The following PMEL variants were observed in gnomAD, a reference collection of about 807,000 sequenced individuals.
PMEL encodes premelanosome protein.
A neutral mutation model predicts 64.9 loss-of-function variants in PMEL; 53 were observed. The observed-to-expected ratio is 0.82, with a 90% CI of 0.66 to 1.03. PMEL has a LOEUF of 1.03. Among genes scored for constraint, PMEL ranks in the 50% least tolerant of loss-of-function variants. PMEL has a pLI of 0.00. For synonymous variants in PMEL, 299 were observed against 316.2 expected (o/e 0.95, Z 0.58); for missense variants, 716 against 814.9 (o/e 0.88, Z 1.48).
intron 6 of PMEL, 119 bp from the exon 7 acceptor site, chr12:55,956,338 T>C (rs557606032): frequency 1.3e-3 from 859 of 683,510 alleles, no homozygotes; most frequent in Admixed American, 2.9e-3. Context: ...GTCACAGGCT[T>C]GGAATCAGAT....
At chr12:55,964,789 C>T (rs553739735) in intron 1 of PMEL, among the ~76,000 whole-genome samples, 5 of 151,948 alleles carry the variant, frequency 3.3e-5, no homozygotes, top group African/African-American at 1.2e-4. Context: ...CCATGCCCAG[C>T]TAATTTTTGT....
At chr12:55,964,034 C>T (rs997465012) in intron 1 of PMEL, among the ~76,000 whole-genome samples, 2 of 152,060 alleles carry the variant, frequency 1.3e-5, no homozygotes, top group African/African-American at 4.8e-5. Context: ...TCTCACCCTG[C>T]GTGCAGTGGC....
Position 55,955,457 on chromosome 12 carries a change from G to A in PMEL, c.1762+7C>T, listed in dbSNP as rs375170547. ...TTCCTCATCTTAGCTCTTGTCCAAG[G>A]ACCTACCAGGCATGATAAGCTGGGT... On this transcript the variant is annotated splice_region_variant and intron_variant, in intron 9 of 10. Transcript: ENST00000548747. 1.2e-6 allele frequency: 2 copies of A among 1,613,794 alleles called. No individual in the cohort carries two copies. The highest frequency in any genetic ancestry group is 1.3e-5 in the African/African-American group (1 of 74,902).
chr12:55,964,317 C>T (rs538606557), intron 1 of PMEL, among the ~76,000 whole-genome samples: 3 of 151,988 alleles, frequency 2.0e-5, no homozygotes, highest in South Asian at 2.1e-4. Flanking sequence ...TGCACCACCA[C>T]GCCCAGCTAA....
In PMEL at chr12:55,955,469, AT is replaced by A. The variant is rs1565772652; in HGVS notation, c.1756del (p.Met586CysfsTer13). On this transcript the variant is annotated frameshift_variant, in exon 9 of 11. Coordinates refer to ENST00000548747, the MANE Select transcript of PMEL (RefSeq NM_001384361.1). LOFTEE classifies it high-confidence loss of function. ...SLAVVSTQLI[M>X]PGQEAGLGQV... ...GCTCTTGTCCAAGGACCTACCAGGC[AT>A]GATAAGCTGGGTGCTGACCACTGCC... is the stretch of plus-strand genomic sequence containing the variant. The A allele has an allele frequency of 6.2e-7, 1 of 1,614,102 alleles. No homozygotes were observed. The highest frequency in any genetic ancestry group is 1.3e-5 in the African/African-American group (1 of 75,040).
At chr12:55,966,226 T>A (rs969946446), upstream of PMEL, 4 of 691,592 alleles carry the variant, frequency 5.8e-6, no homozygotes, top group Non-Finnish European at 7.1e-6. Flanking sequence ...CTGGTTTCAC[T>A]GGGTCACTCT....
rs1171961116 is a variant in PMEL, at chr12:55,955,666, C to G, written c.1560G>C (p.Leu520=). 1 of 1,612,112 alleles carries G rather than the reference C, an allele frequency of 6.2e-7. No homozygotes were observed. Among genetic ancestry groups the G allele is most frequent in the African/African-American group, 1.3e-5 (1 of 74,996 alleles). Residue 520 remains leucine, a synonymous_variant, in exon 9 of 11, where the codon CTG becomes CTC. Coordinates refer to ENST00000548747, the MANE Select transcript of PMEL (RefSeq NM_001384361.1). ...FELTVSCQGG[L]PKEACMEISS... is the part of the protein sequence containing the mutation. ...AGATCTCCATGCAGGCTTCCTTGGG[C>G]AGCCTGGAAGAAGTGTCAGCATATA...
intron 6 of PMEL, 27 bp from the exon 7 acceptor site, chr12:55,956,246 G>C: frequency 6.8e-7 from 1 of 1,463,292 alleles, no homozygotes. Flanking sequence ...AAGGAGGCAA[G>C]ATCAAGAGAC....
chr12:55,956,744 A>G (rs571331346), intron 6 of PMEL, among the ~76,000 whole-genome samples: 2 of 152,322 alleles, frequency 1.3e-5, no homozygotes, highest in South Asian at 4.1e-4. Flanking sequence ...CTCATGGCCT[A>G]GGGGAAGACC....
At chr12:55,958,660 T>C in intron 3 of PMEL, 53 bp from the exon 4 acceptor site, 1 of 1,578,050 alleles carries the variant, frequency 6.3e-7, no homozygotes, top group Middle Eastern at 1.7e-4. Flanking sequence ...TTTTTGTATA[T>C]CAAAACCCCT....
intron 4 of PMEL, 133 bp downstream of exon 4, chr12:55,958,340 A>C: frequency 1.0e-6 from 1 of 978,350 alleles, no homozygotes; most frequent in Non-Finnish European, 1.5e-6. Context: ...AGAAAGAGAA[A>C]AGATCTAAGA....
chr12:55,961,552 T>C lies in PMEL; in HGVS notation c.187+70A>G, dbSNP rs1565776773. ...CCTTTTCTTCCCAAGCTACACTCGA[T>C]GCAGTTCAGCTTGCTTTTTTCCTCA... On this transcript the variant is annotated intron_variant, in intron 2 of 10. Transcript: ENST00000548747. 1.9e-6 allele frequency: 3 copies of C among 1,595,596 alleles called. No homozygotes were observed. The East Asian group carries it at 6.7e-5, about 36-fold the overall frequency.
Position 55,957,588 on chromosome 12 carries a change from T to G in PMEL, c.715A>C (p.Thr239Pro). The stretch of plus-strand genomic sequence containing the variant: ...GGGTCATGGAGCTGGAGGGCAAAGG[T>G]CAGAGGCTGATTTCTCAGGAAGTGC... ...NKHFLRNQPL[T>P]FALQLHDPSG... The change falls in exon 6 of 11, where the codon ACC becomes CCC. Residue 239 changes from threonine (T) to proline (P), a missense_variant. Physicochemically the swap from Thr to Pro is conservative, Grantham distance 38. Transcript: ENST00000548747. 6.2e-7 allele frequency: 1 copy of G among 1,613,508 alleles called. No homozygotes were observed. Among genetic ancestry groups the G allele is most frequent in the Non-Finnish European group, 8.5e-7 (1 of 1,179,904 alleles).
At chr12:55,958,753 G>T in intron 3 of PMEL, 146 bp from the exon 4 acceptor site, 3 of 823,690 alleles carry the variant, frequency 3.6e-6, no homozygotes, top group Non-Finnish European at 5.6e-6. Context: ...TAACCATTTG[G>T]GGTGGTAGTT....
At chr12:55,960,246 GAAAAA>G (rs138853600) in intron 3 of PMEL, among the ~76,000 whole-genome samples, 1 of 142,920 alleles carries the variant, frequency 7.0e-6, no homozygotes, top group East Asian at 2.0e-4. Flanking sequence ...GAAAAGAAAA[GAAAAA>G]AAAAGAAATG....
chr12:55,961,328 G>A lies in PMEL; in HGVS notation c.323C>T (p.Thr108Ile). Residue 108 changes from threonine (T) to isoleucine (I), a missense_variant, in exon 3 of 11, where the codon ACC becomes ATC. Thr to Ile is a moderately conservative substitution (Grantham distance 89, BLOSUM62 -1). Coordinates refer to ENST00000548747, the MANE Select transcript of PMEL (RefSeq NM_001384361.1). Reference protein sequence around the residue: ...PDGQVIWVNNTIINGSQVWGG... With the variant: ...PDGQVIWVNNIIINGSQVWGG... ...AGAGAAGTACTCACCATTGATGATG[G>A]TATTGTTGACCCAGATAACCTGCCC... 1 of 1,614,102 alleles carries A rather than the reference G, an allele frequency of 6.2e-7. No homozygotes were observed. The highest frequency in any genetic ancestry group is 8.5e-7 in the Non-Finnish European group (1 of 1,179,962).
intron 10 of PMEL, among the ~76,000 whole-genome samples, chr12:55,954,797 G>A (rs1027828752): frequency 6.6e-6 from 1 of 152,066 alleles, no homozygotes; most frequent in Non-Finnish European, 1.5e-5. Flanking sequence ...CCAGCTACTC[G>A]GGAAGCTGAA....
At position 55,956,162 on chromosome 12, in the gene PMEL, A is replaced by G. The variant is rs752922513; in HGVS notation, c.1412T>C (p.Val471Ala). ...TCGATACAGAACACAATCCAGGGGG[A>G]CTTGTCTCTTCACCAGCCTTAAGGT... is the stretch of plus-strand genomic sequence containing the variant. ...TATLRLVKRQ[V>A]PLDCVLYRYG... The change falls in exon 7 of 11, where the codon GTC becomes GCC. Residue 471 changes from valine (V) to alanine (A), a missense_variant. Transcript: ENST00000548747. The G allele has an allele frequency of 3.7e-6, 6 of 1,614,052 alleles. No homozygotes were observed. In the South Asian group the frequency reaches 6.6e-5, roughly 18 times the overall value.
chr12:55,961,762 G>C (rs749222725), intron 1 of PMEL, 30 bp from the exon 2 acceptor site: 3 of 1,452,978 alleles, frequency 2.1e-6, no homozygotes, highest in Non-Finnish European at 2.9e-6. Context: ...AAGGGCCCTA[G>C]GATCCTTTCA....
Sources: allele counts gnomAD v4.1 joint callset (sites outside exome capture counted in the v4.1 genomes callset), GRCh38; gene constraint gnomAD v4.1.1; transcripts MANE v1.5; gene names NCBI Gene and HGNC (gene_info 2026-07-23, HGNC 2026-07-21).